The following IGSF11 variants were observed in gnomAD, a reference collection of about 807,000 sequenced individuals.
IGSF11 encodes the protein immunoglobulin superfamily member 11.
A neutral mutation model predicts 41.0 loss-of-function variants in IGSF11; 22 were observed. The ratio of observed to expected loss-of-function variants is 0.54; its 90% confidence interval spans 0.38 to 0.77. The LOEUF (loss-of-function observed/expected upper bound fraction) is 0.77. Ranked by LOEUF, IGSF11 falls within the 30% of genes least tolerant of loss-of-function variation. The pLI, the probability that IGSF11 is intolerant of heterozygous loss-of-function variation, is 0.00. For missense variants in IGSF11, 444 were observed against 530.8 expected (o/e 0.84, Z 1.61); for synonymous variants, 219 against 201.3 (o/e 1.09, Z -0.74).
intron 1 of IGSF11, among the ~76,000 whole-genome samples, chr3:119,144,750 T>C (rs148583692): frequency 2.4e-3 from 368 of 152,334 alleles, no homozygotes; most frequent in African/African-American, 8.5e-3. Flanking sequence ...CCTATAGATA[T>C]AGACACATAG....
At chr3:118,981,977 C>T (rs980003041) in intron 1 of IGSF11, 1 of 152,514 alleles carries the variant, frequency 6.6e-6, no homozygotes, top group Non-Finnish European at 1.5e-5. Flanking sequence ...TTTCATGCCT[C>T]CTCTGTGTCT....
chr3:119,023,816 AAAAGG>A (rs1307183567), intron 1 of IGSF11, among the ~76,000 whole-genome samples: 6 of 152,322 alleles, frequency 3.9e-5, no homozygotes, highest in Admixed American at 3.9e-4. Flanking sequence ...CTGAGAACTC[AAAAGG>A]AAGTGCTGAA....
intron 1 of IGSF11, among the ~76,000 whole-genome samples, chr3:119,056,320 A>G (rs945568490): frequency 1.3e-5 from 2 of 152,218 alleles, no homozygotes; most frequent in Non-Finnish European, 1.5e-5. Context: ...AATATAAACT[A>G]CCATCAGAGA....
intron 1 of IGSF11, among the ~76,000 whole-genome samples, chr3:119,017,673 G>T (rs991501092): frequency 2.0e-5 from 3 of 151,560 alleles, no homozygotes; most frequent in Non-Finnish European, 1.5e-5. Context: ...ATTATATGAT[G>T]CACACTGAAA....
chr3:119,039,839 C>A (rs753336159), upstream of IGSF11, among the ~76,000 whole-genome samples: 1 of 152,134 alleles, frequency 6.6e-6, no homozygotes, highest in African/African-American at 2.4e-5. Flanking sequence ...ACCATTGAAA[C>A]CACCTTTGCA....
intron 1 of IGSF11, among the ~76,000 whole-genome samples, chr3:119,111,139 C>A (rs2077150502): frequency 6.6e-6 from 1 of 152,120 alleles, no homozygotes; most frequent in Non-Finnish European, 1.5e-5. Context: ...TGTTGGCCTG[C>A]CTTGCTAGAT....
intron 1 of IGSF11, among the ~76,000 whole-genome samples, chr3:118,994,073 C>T (rs570806553): frequency 9.0e-4 from 137 of 152,290 alleles, no homozygotes; most frequent in Middle Eastern, 3.4e-3. Context: ...AACCTTTTCA[C>T]ACTTCTGAAA....
chr3:119,046,750 G>C (rs1183514239), intron 1 of IGSF11, among the ~76,000 whole-genome samples: 1 of 152,080 alleles, frequency 6.6e-6, no homozygotes, highest in Non-Finnish European at 1.5e-5. Context: ...GAGAGAGAAA[G>C]GTCTGGTTAC....
At chr3:118,942,693 C>G (rs1271848744) in intron 1 of IGSF11, among the ~76,000 whole-genome samples, 1 of 152,182 alleles carries the variant, frequency 6.6e-6, no homozygotes, top group African/African-American at 2.4e-5. Flanking sequence ...AAAACAATAA[C>G]AATTATGTCT....
intron 1 of IGSF11, among the ~76,000 whole-genome samples, chr3:119,134,696 G>T (rs189108706): frequency 5.4e-4 from 82 of 152,198 alleles, no homozygotes; most frequent in African/African-American, 1.9e-3. Flanking sequence ...TTTCTTCACA[G>T]AATTGGAAAA....
At chr3:118,974,536 G>A (rs1933843448) in intron 1 of IGSF11, among the ~76,000 whole-genome samples, 1 of 152,150 alleles carries the variant, frequency 6.6e-6, no homozygotes, top group African/African-American at 2.4e-5. Context: ...AGAGTCGAGT[G>A]GCACTGCAAT....
chr3:119,123,165 TGAG>T (rs781097090), intron 1 of IGSF11, among the ~76,000 whole-genome samples: 4 of 152,158 alleles, frequency 2.6e-5, no homozygotes, highest in Non-Finnish European at 5.9e-5. Context: ...ACAAGCTTCC[TGAG>T]GAGCCCATGC....
intron 1 of IGSF11, among the ~76,000 whole-genome samples, chr3:119,015,694 T>C (rs1463675469): frequency 6.6e-6 from 1 of 150,870 alleles, no homozygotes; most frequent in African/African-American, 2.4e-5. Context: ...ACCTAGAACA[T>C]AGCCTAACAC....
At chr3:119,002,481 G>A (rs11921221) in intron 1 of IGSF11, among the ~76,000 whole-genome samples, 28,660 of 109,406 alleles carry the variant, frequency 0.26, 5,052 homozygotes, top group African/African-American at 0.54. Flanking sequence ...GTTTAATTAG[G>A]TCCCATTTGT....
At chr3:119,039,688 T>G (rs760521906), upstream of IGSF11, among the ~76,000 whole-genome samples, 2 of 152,186 alleles carry the variant, frequency 1.3e-5, no homozygotes, top group Non-Finnish European at 2.9e-5. Flanking sequence ...GCTGTCACCA[T>G]AATGACCTCC....
intron 1 of IGSF11, among the ~76,000 whole-genome samples, chr3:119,098,578 T>C (rs2076892676): frequency 6.6e-6 from 1 of 152,164 alleles, no homozygotes; most frequent in African/African-American, 2.4e-5. Flanking sequence ...AAATAAGAAA[T>C]GAAGCCAAAA....
At chr3:119,050,304 AAAC>A (rs1371880747) in intron 1 of IGSF11, among the ~76,000 whole-genome samples, 3 of 152,098 alleles carry the variant, frequency 2.0e-5, no homozygotes, top group Non-Finnish European at 4.4e-5. Context: ...TACAAGAAAA[AAAC>A]AAACAACCCC....
intron 1 of IGSF11, among the ~76,000 whole-genome samples, chr3:119,090,273 T>C (rs535480230): frequency 6.6e-6 from 1 of 152,334 alleles, no homozygotes; most frequent in East Asian, 1.9e-4. Context: ...TGCTCATGCA[T>C]TGGAAAAATC....
At chr3:119,069,449 A>C (rs1942335377) in intron 1 of IGSF11, among the ~76,000 whole-genome samples, 1 of 152,208 alleles carries the variant, frequency 6.6e-6, no homozygotes, top group Non-Finnish European at 1.5e-5. Flanking sequence ...TGACCATTGT[A>C]GTCTTTGAGA....
Sources: gnomAD v4.1 joint callset for allele counts (sites outside exome capture counted in the v4.1 genomes callset) on GRCh38, gnomAD v4.1.1 for gene constraint, MANE v1.5 for transcripts, NCBI Gene and HGNC (gene_info 2026-07-23, HGNC 2026-07-21) for gene names.